Variants in GRID1 observed in about 807,000 individuals in gnomAD.
The protein encoded by GRID1 is glutamate ionotropic receptor delta type subunit 1.
In GRID1, 28 loss-of-function variants were observed where a neutral mutation model predicts 98.0. The observed-to-expected ratio is 0.29, with a 90% CI of 0.21 to 0.39. GRID1 has a LOEUF of 0.39. GRID1 is among the 10% of genes least tolerant of loss of function. GRID1 has a pLI of 1.00. For missense variants in GRID1, 1,111 were observed against 1,340.5 expected (o/e 0.83, Z 2.67); for synonymous variants, 553 against 538.5 (o/e 1.03, Z -0.37).
At chr10:86,161,510 C>A (rs1010232881) in intron 3 of GRID1, among the ~76,000 whole-genome samples, 1 of 152,120 alleles carries the variant, frequency 6.6e-6, no homozygotes, top group Non-Finnish European at 1.5e-5. Context: ...AACCCCATTA[C>A]ACAGATGAGA....
intron 2 of GRID1, among the ~76,000 whole-genome samples, chr10:86,258,225 C>T (rs1162878484): frequency 2.6e-5 from 4 of 152,076 alleles, no homozygotes; most frequent in African/African-American, 7.2e-5. Context: ...TAGAAAAATA[C>T]TACCAATTAT....
At chr10:85,888,790 CTTTT>C (rs1397231931) in intron 5 of GRID1, among the ~76,000 whole-genome samples, 1 of 152,126 alleles carries the variant, frequency 6.6e-6, no homozygotes, top group African/African-American at 2.4e-5. Flanking sequence ...CTCCCTCTCT[CTTTT>C]TCTTTTCCCT....
chr10:85,988,833 G>A (rs1297282602), intron 4 of GRID1, among the ~76,000 whole-genome samples: 1 of 152,158 alleles, frequency 6.6e-6, no homozygotes, highest in Non-Finnish European at 1.5e-5. Context: ...AATCAAGGAT[G>A]GTGAGATACA....
chr10:85,843,396 G>A (rs1383497935), intron 8 of GRID1, among the ~76,000 whole-genome samples: 1 of 152,000 alleles, frequency 6.6e-6, no homozygotes, highest in Non-Finnish European at 1.5e-5. Context: ...TCTTAGACTT[G>A]ACACCAAAAT....
intron 8 of GRID1, among the ~76,000 whole-genome samples, chr10:85,783,157 G>C (rs1345452050): frequency 6.6e-6 from 1 of 152,194 alleles, no homozygotes; most frequent in East Asian, 1.9e-4. Flanking sequence ...TTTTGGCATT[G>C]TAATTAGAAA....
chr10:85,672,762 C>G (rs778462509), intron 12 of GRID1, among the ~76,000 whole-genome samples: 1 of 151,904 alleles, frequency 6.6e-6, no homozygotes, highest in South Asian at 2.1e-4. Flanking sequence ...AAGCACCTGG[C>G]TACCCAAGAA....
intron 8 of GRID1, among the ~76,000 whole-genome samples, chr10:85,730,099 T>C (rs1246655535): frequency 6.6e-6 from 1 of 152,236 alleles, no homozygotes; most frequent in Non-Finnish European, 1.5e-5. Context: ...CCGGTGCCTA[T>C]GGCAAGCAGG....
chr10:85,756,400 C>G (rs547162396), intron 8 of GRID1, among the ~76,000 whole-genome samples: 2 of 152,282 alleles, frequency 1.3e-5, no homozygotes, highest in South Asian at 4.2e-4. Flanking sequence ...TGTGGCATAT[C>G]TGAATTGCCA....
chr10:85,757,309 C>T lies in GRID1; in HGVS notation c.1234-27695G>A, dbSNP rs143192914. Among the ~76,000 whole-genome samples the T allele has an allele frequency of 4.5e-3, 686 of 152,334 alleles. 6 individuals are homozygous for T. Among genetic ancestry groups the T allele is most frequent in the African/African-American group, 0.016 (671 of 41,578 alleles). On this transcript the variant is annotated intron_variant, in intron 8 of 15. Transcript: ENST00000327946. ...AGTTTTCCCTATGGCCCAACCCAAG[C>T]CGAATGCTTATATGGCTACTGCTGC...
chr10:86,082,264 T>C (rs1843988239), intron 4 of GRID1, among the ~76,000 whole-genome samples: 1 of 152,214 alleles, frequency 6.6e-6, no homozygotes, highest in East Asian at 1.9e-4. Flanking sequence ...GTGATATAAA[T>C]AGCCCTGGGC....
chr10:85,990,622 G>A (rs944043399), intron 4 of GRID1, among the ~76,000 whole-genome samples: 1 of 152,172 alleles, frequency 6.6e-6, no homozygotes, highest in Admixed American at 6.5e-5. Context: ...CATGGGGCTC[G>A]AAGAGCTCAG....
chr10:86,000,289 G>A (rs974880900), intron 4 of GRID1, among the ~76,000 whole-genome samples: 6 of 152,134 alleles, frequency 3.9e-5, no homozygotes, highest in Non-Finnish European at 8.8e-5. Context: ...ACTGATGCAG[G>A]AAATCAAAGA....
At chr10:85,754,411 T>C (rs1842076549) in intron 8 of GRID1, among the ~76,000 whole-genome samples, 1 of 152,084 alleles carries the variant, frequency 6.6e-6, no homozygotes, top group African/African-American at 2.4e-5. Context: ...AAGAAAGTAA[T>C]TAAAATCATG....
At chr10:85,741,836 C>G (rs1259931355) in intron 8 of GRID1, among the ~76,000 whole-genome samples, 1 of 152,052 alleles carries the variant, frequency 6.6e-6, no homozygotes, top group Non-Finnish European at 1.5e-5. Flanking sequence ...CCCACCGACA[C>G]TGGCCACCTT....
At chr10:85,810,018 C>A (rs570858117) in intron 8 of GRID1, among the ~76,000 whole-genome samples, 1 of 152,324 alleles carries the variant, frequency 6.6e-6, no homozygotes, top group African/African-American at 2.4e-5. Flanking sequence ...ATTACCCAAG[C>A]TGCTGGGGTG....
chr10:85,699,006 A>T (rs7900402), intron 12 of GRID1, among the ~76,000 whole-genome samples: 95,402 of 151,988 alleles, frequency 0.63, 31,106 homozygotes, highest in African/African-American at 0.8. Context: ...TTTTTTTCAT[A>T]GTTGAATTTT....
In GRID1 at chr10:85,968,844, T is replaced by C. The variant is rs574497630; in HGVS notation, c.727-52605A>G. On this transcript the variant is annotated intron_variant, in intron 4 of 15. Transcript: ENST00000327946. Reference sequence around the variant, plus strand: ...CAAAATGGAAGGTGCTAATCTACTTTATCAGTAATTACATTAAATGTAAAT... The same window carrying C: ...CAAAATGGAAGGTGCTAATCTACTTCATCAGTAATTACATTAAATGTAAAT... Among the ~76,000 whole-genome samples, 4 of 152,288 alleles carry C rather than the reference T, an allele frequency of 2.6e-5. No individual in the cohort carries two copies. In the South Asian group the frequency reaches 6.2e-4, roughly 24 times the overall value.
chr10:85,940,888 G>A (rs1053771312), intron 4 of GRID1, among the ~76,000 whole-genome samples: 5 of 152,316 alleles, frequency 3.3e-5, no homozygotes, highest in Middle Eastern at 3.4e-3. Context: ...CCGAGGCAGG[G>A]GCTCAGGGTG....
intron 8 of GRID1, among the ~76,000 whole-genome samples, chr10:85,742,154 A>T (rs746351295): frequency 3.3e-5 from 5 of 152,232 alleles, no homozygotes; most frequent in Non-Finnish European, 7.3e-5. Context: ...TAAACATCTG[A>T]CACACTTTCT....
Sources: gnomAD v4.1 joint callset for allele counts (sites outside exome capture counted in the v4.1 genomes callset) on GRCh38, gnomAD v4.1.1 for gene constraint, MANE v1.5 for transcripts, NCBI Gene and HGNC (gene_info 2026-07-23, HGNC 2026-07-21) for gene names.